The following RXFP1 variants were observed in gnomAD, a reference collection of about 807,000 sequenced individuals.
The protein encoded by RXFP1 is relaxin receptor 1.
RXFP1 carries 73 observed loss-of-function variants against 89.8 expected under a neutral mutation model. The ratio of observed to expected loss-of-function variants is 0.81; its 90% CI spans 0.67 to 0.99. The LOEUF is 0.99. Among genes scored for constraint, RXFP1 ranks in the 50% least tolerant of loss-of-function variants. RXFP1 has a pLI of 0.00. For missense variants in RXFP1, 793 were observed against 895.5 expected (o/e 0.89, Z 1.46); for synonymous variants, 277 against 305.5 (o/e 0.91, Z 0.97).
intron 1 of RXFP1, among the ~76,000 whole-genome samples, chr4:158,528,119 C>T (rs1235961191): frequency 1.3e-5 from 2 of 152,114 alleles, no homozygotes; most frequent in African/African-American, 4.8e-5. Flanking sequence ...TTCTCACAAC[C>T]AAGGAGAGAA....
At chr4:158,546,898 GT>G (rs1485833043) in intron 1 of RXFP1, among the ~76,000 whole-genome samples, 2 of 152,138 alleles carry the variant, frequency 1.3e-5, no homozygotes, top group East Asian at 3.8e-4. Context: ...AAGGATGTTG[GT>G]CTAAAATTCT....
intron 1 of RXFP1, among the ~76,000 whole-genome samples, chr4:158,571,589 G>A (rs1009892060): frequency 2.0e-5 from 3 of 152,128 alleles, no homozygotes; most frequent in East Asian, 3.9e-4. Flanking sequence ...TTGAACCTGG[G>A]AGGCGGAGGT....
At chr4:158,548,059 C>T (rs1579509160) in intron 1 of RXFP1, among the ~76,000 whole-genome samples, 1 of 152,162 alleles carries the variant, frequency 6.6e-6, no homozygotes, top group African/African-American at 2.4e-5. Flanking sequence ...GTGTTAAAGT[C>T]TCCCATTATT....
intron 1 of RXFP1, among the ~76,000 whole-genome samples, chr4:158,532,559 G>A (rs1393900952): frequency 6.6e-6 from 1 of 152,156 alleles, no homozygotes; most frequent in Non-Finnish European, 1.5e-5. Flanking sequence ...AGGTAGAGAG[G>A]TGAACATCTC....
rs757707843 is a variant in RXFP1 at position 158,612,334 on chromosome 4, T to G, written c.652T>G (p.Phe218Val). The change falls in exon 8 of 18, where the codon TTT becomes GTT. Residue 218 changes from phenylalanine (F) to valine (V), a missense_variant. Physicochemically the swap from Phe to Val is conservative, Grantham distance 50. Coordinates refer to ENST00000307765, the MANE Select transcript of RXFP1 (RefSeq NM_021634.4). ...CCTCAGTCGAATTTCCCCACCAACATTTTATGGACTAAATTCTCTTATTCT... is the reference window on the plus strand; with the variant it reads ...CCTCAGTCGAATTTCCCCACCAACAGTTTATGGACTAAATTCTCTTATTCT... ...NHLSRISPPT[F>V]YGLNSLILLV... is the part of the protein sequence containing the mutation. The G allele has an allele frequency of 6.2e-7, 1 of 1,611,288 alleles. No homozygotes were observed. Among genetic ancestry groups the G allele is most frequent in the Non-Finnish European group, 8.5e-7 (1 of 1,178,130 alleles).
chr4:158,566,980 G>A (rs994930573), intron 1 of RXFP1, among the ~76,000 whole-genome samples: 5 of 152,328 alleles, frequency 3.3e-5, no homozygotes, highest in African/African-American at 7.2e-5. Flanking sequence ...TGCGTGCAGC[G>A]CTTGCAGGCC....
At chr4:158,651,158 G>A (rs1554027438) in intron 17 of RXFP1, among the ~76,000 whole-genome samples, 1 of 151,906 alleles carries the variant, frequency 6.6e-6, no homozygotes, top group Non-Finnish European at 1.5e-5. Context: ...AGTAATGACA[G>A]CATCAATTAA....
intron 1 of RXFP1, among the ~76,000 whole-genome samples, chr4:158,567,863 C>T (rs1452800834): frequency 2.0e-5 from 3 of 152,176 alleles, no homozygotes; most frequent in Non-Finnish European, 1.5e-5. Flanking sequence ...AAGCAGGCTG[C>T]CCAAGTCAGC....
intron 12 of RXFP1, among the ~76,000 whole-genome samples, chr4:158,634,202 G>T (rs1185694108): frequency 1.3e-5 from 2 of 152,084 alleles, no homozygotes; most frequent in Middle Eastern, 3.4e-3. Context: ...CTGTTTTTTT[G>T]ATAATAGGCA....
At chr4:158,535,471 A>G (rs974593341) in intron 1 of RXFP1, among the ~76,000 whole-genome samples, 1 of 152,196 alleles carries the variant, frequency 6.6e-6, no homozygotes, top group Non-Finnish European at 1.5e-5. Flanking sequence ...GATACAGGCT[A>G]TGATCAAGTC....
At position 158,544,054 on chromosome 4, in the gene RXFP1, ATTTC is replaced by A. The variant is rs551014702; in HGVS notation, c.49+22031_49+22034del. 822 of 984,608 alleles carry A rather than the reference ATTTC, an allele frequency of 8.3e-4. 7 individuals carry two copies. In the African/African-American group the frequency reaches 0.013, roughly 16 times the overall value. The allele number at this position is 984,608 out of a possible 1,614,324, so 61.0% of individuals were successfully genotyped here. On this transcript the variant is annotated intron_variant, in intron 1 of 17. Transcript: ENST00000307765. ...TGAGATCGGATCAATTCAGCTGTTT[ATTTC>A]TAGAAATGTCTATAAAGAGAAGAAC...
chr4:158,539,462 C>A (rs1425052808), intron 1 of RXFP1, among the ~76,000 whole-genome samples: 1 of 151,348 alleles, frequency 6.6e-6, no homozygotes, highest in South Asian at 2.1e-4. Flanking sequence ...CACATGTACC[C>A]TAAAACTTAA....
intron 1 of RXFP1, among the ~76,000 whole-genome samples, chr4:158,525,378 G>C (rs2149772997): frequency 6.6e-6 from 1 of 152,200 alleles, no homozygotes; most frequent in Middle Eastern, 3.4e-3. Context: ...TGTGGAGGCT[G>C]CTGACAATTT....
intron 13 of RXFP1, 124 bp from the exon 14 acceptor site, chr4:158,639,136 T>G (rs945062377): frequency 9.2e-5 from 53 of 574,160 alleles, no homozygotes; most frequent in African/African-American, 8.8e-4. Context: ...TTGAGTATAA[T>G]TATTTTGTTC....
At chr4:158,544,351 C>T in intron 1 of RXFP1, 3 of 985,008 alleles carry the variant, frequency 3.0e-6, no homozygotes, top group Non-Finnish European at 3.6e-6. Context: ...CATCCTTGCA[C>T]TGAAGGATTT....
At chr4:158,595,549 GC>G (rs1215620496) in intron 3 of RXFP1, among the ~76,000 whole-genome samples, 1 of 152,222 alleles carries the variant, frequency 6.6e-6, no homozygotes, top group Admixed American at 6.5e-5. Context: ...TGTAAGGATT[GC>G]CTATCTGTTG....
rs141416133 is a variant in RXFP1, at chr4:158,574,903, C to G, written c.187+2068C>G. Reference sequence around the variant, plus strand: ...GTTTTCATTTATTTAAAAAAAACAACGTCTTGTTAAAATAAATTAATATTA... The same window carrying G: ...GTTTTCATTTATTTAAAAAAAACAAGGTCTTGTTAAAATAAATTAATATTA... On this transcript the variant is annotated intron_variant, in intron 2 of 17. Coordinates refer to ENST00000307765, the MANE Select transcript of RXFP1 (RefSeq NM_021634.4). Among the ~76,000 whole-genome samples the G allele has an allele frequency of 1.2e-3, 181 of 151,804 alleles. 1 individual carries two copies. Among genetic ancestry groups the G allele is most frequent in the African/African-American group, 4.1e-3 (169 of 41,206 alleles).
intron 2 of RXFP1, among the ~76,000 whole-genome samples, chr4:158,574,649 C>A: frequency 6.6e-6 from 1 of 152,230 alleles, no homozygotes; most frequent in East Asian, 1.9e-4. Flanking sequence ...ATACATGCCT[C>A]TGAGCTTTCT....
chr4:158,622,647 C>CGCA (rs1366969383), intron 9 of RXFP1, among the ~76,000 whole-genome samples: 2 of 152,024 alleles, frequency 1.3e-5, no homozygotes, highest in Admixed American at 6.6e-5. Flanking sequence ...CTCATTTATA[C>CGCA]GTGGAATTTC....
Sources: gnomAD v4.1 joint callset for allele counts (sites outside exome capture counted in the v4.1 genomes callset) on GRCh38, gnomAD v4.1.1 for gene constraint, MANE v1.5 for transcripts, NCBI Gene and HGNC (gene_info 2026-07-23, HGNC 2026-07-21) for gene names.